Variants in TANGO6 observed in about 807,000 individuals in gnomAD.
TANGO6 encodes transport and Golgi organization protein 6 homolog.
In TANGO6, 90 loss-of-function variants were observed where a neutral mutation model predicts 114.2. That is an observed-to-expected ratio of 0.79 (90% CI 0.66 to 0.94). The LOEUF (loss-of-function observed/expected upper bound fraction) is 0.94. Ranked by LOEUF, TANGO6 falls within the 40% of genes least tolerant of loss-of-function variation. TANGO6 has a pLI of 0.00. For synonymous variants in TANGO6, 477 were observed against 509.8 expected (o/e 0.94, Z 0.87); for missense variants, 1,274 against 1,315.3 (o/e 0.97, Z 0.49).
chr16:68,907,649 A>G (rs982326642), intron 10 of TANGO6, 74 bp downstream of exon 10: 1 of 1,461,600 alleles, frequency 6.8e-7, no homozygotes, highest in African/African-American at 1.4e-5. Flanking sequence ...TTTTCAAAGC[A>G]TTTATAATTT....
chr16:68,877,189 G>A lies in TANGO6; in HGVS notation c.1132-929G>A, dbSNP rs572067270. Among the ~76,000 whole-genome samples, 9 of 152,276 alleles carry A rather than the reference G, an allele frequency of 5.9e-5. No homozygotes were observed. In the East Asian group the frequency reaches 1.5e-3, roughly 26 times the overall value. On this transcript the variant is annotated intron_variant, in intron 5 of 17. Coordinates refer to ENST00000261778, the MANE Select transcript of TANGO6 (RefSeq NM_024562.2). ...AAATCTGATACATGAAAAATGTGGG[G>A]CTGGGCACGGTGGCTCACGCCTGTA...
intron 17 of TANGO6, among the ~76,000 whole-genome samples, chr16:69,064,081 C>T (rs943077223): frequency 1.3e-5 from 2 of 152,016 alleles, no homozygotes; most frequent in Non-Finnish European, 2.9e-5. Context: ...AAATGATCTG[C>T]CCGCCTCGGC....
At chr16:69,081,054 T>G (rs1461728054) in intron 17 of TANGO6, among the ~76,000 whole-genome samples, 2 of 152,018 alleles carry the variant, frequency 1.3e-5, no homozygotes, top group Non-Finnish European at 2.9e-5. Context: ...AGGAGAATGG[T>G]GTGAACCCAG....
intron 6 of TANGO6, 54 bp downstream of exon 6, chr16:68,878,334 T>A: frequency 1.3e-6 from 2 of 1,525,336 alleles, no homozygotes; most frequent in Non-Finnish European, 1.8e-6. Flanking sequence ...TTCTTCAGTA[T>A]TTCACGTTGA....
chr16:69,013,379 G>A (rs536472620), intron 15 of TANGO6, among the ~76,000 whole-genome samples: 40 of 152,218 alleles, frequency 2.6e-4, no homozygotes, highest in South Asian at 8.3e-4. Context: ...GGAGGCCGAA[G>A]CTGAGGTGGG....
At chr16:68,955,685 T>C (rs920409901) in intron 14 of TANGO6, among the ~76,000 whole-genome samples, 4 of 152,198 alleles carry the variant, frequency 2.6e-5, no homozygotes, top group Non-Finnish European at 4.4e-5. Flanking sequence ...TGATAGAATT[T>C]ATCAGTGGAA....
intron 12 of TANGO6, among the ~76,000 whole-genome samples, chr16:68,924,800 A>G (rs1963145311): frequency 6.6e-6 from 1 of 150,390 alleles, no homozygotes; most frequent in Non-Finnish European, 1.5e-5. Flanking sequence ...CAAAAAAAAG[A>G]AAACAGAAAC....
intron 15 of TANGO6, among the ~76,000 whole-genome samples, chr16:68,988,871 T>C (rs1355797195): frequency 6.6e-6 from 1 of 151,810 alleles, no homozygotes; most frequent in Non-Finnish European, 1.5e-5. Context: ...GCTAATTTGT[T>C]TTTTGGTTGT....
At chr16:68,846,502 CT>C (rs111404781) in intron 1 of TANGO6, 61,568 of 294,060 alleles carry the variant, frequency 0.21, 1,315 homozygotes, top group South Asian at 0.24. Context: ...ACGATTCTTT[CT>C]TTTTTTTTTT....
intron 4 of TANGO6, among the ~76,000 whole-genome samples, chr16:68,868,655 G>A (rs1048103452): frequency 4.6e-5 from 7 of 151,748 alleles, no homozygotes; most frequent in Admixed American, 2.0e-4. Flanking sequence ...CTGCCACCAC[G>A]CCCAGCTAAT....
chr16:69,022,703 C>CAA (rs113972965), intron 15 of TANGO6, 125 bp from the exon 16 acceptor site: 6,681 of 951,314 alleles, frequency 7.0e-3, no homozygotes, highest in East Asian at 9.9e-3. Flanking sequence ...GACCCTGTCT[C>CAA]AAAAAAAAAA....
chr16:69,066,745 G>C (rs372903066), intron 17 of TANGO6, among the ~76,000 whole-genome samples: 1 of 152,016 alleles, frequency 6.6e-6, no homozygotes, highest in Non-Finnish European at 1.5e-5. Flanking sequence ...CAATATACTC[G>C]TAAGGTAGGT....
intron 17 of TANGO6, among the ~76,000 whole-genome samples, chr16:69,041,201 C>T (rs1959767904): frequency 6.6e-6 from 1 of 152,008 alleles, no homozygotes; most frequent in Non-Finnish European, 1.5e-5. Flanking sequence ...AATCCCAGCA[C>T]TTTAGGAGGC....
At chr16:69,061,413 A>G (rs1055991994) in intron 17 of TANGO6, among the ~76,000 whole-genome samples, 1 of 151,958 alleles carries the variant, frequency 6.6e-6, no homozygotes, top group Non-Finnish European at 1.5e-5. Context: ...AAAATACAAA[A>G]ATTAGCGGGG....
intron 15 of TANGO6, among the ~76,000 whole-genome samples, chr16:68,993,087 A>G (rs1963960104): frequency 6.6e-6 from 1 of 152,142 alleles, no homozygotes; most frequent in Non-Finnish European, 1.5e-5. Flanking sequence ...AGAAAAGAAA[A>G]AAGAAAAATC....
At chr16:68,909,451 A>T (rs779951552) in intron 11 of TANGO6, 49 bp downstream of exon 11, 2 of 1,426,848 alleles carry the variant, frequency 1.4e-6, no homozygotes, top group East Asian at 5.1e-5. Context: ...CTTTCCAAAA[A>T]ATAAAGTTTA....
intron 6 of TANGO6, 120 bp downstream of exon 6, chr16:68,878,400 A>C: frequency 1.6e-6 from 2 of 1,216,944 alleles, no homozygotes; most frequent in Non-Finnish European, 2.2e-6. Flanking sequence ...CCTCCCCCCA[A>C]CTTTTTATTT....
chr16:69,020,626 A>G (rs1959384820), intron 15 of TANGO6, among the ~76,000 whole-genome samples: 1 of 152,182 alleles, frequency 6.6e-6, no homozygotes, highest in South Asian at 2.1e-4. Context: ...GATTAAAAAT[A>G]GGTGACTTTA....
At chr16:69,077,632 C>T (rs1567571891) in intron 17 of TANGO6, among the ~76,000 whole-genome samples, 1 of 152,068 alleles carries the variant, frequency 6.6e-6, no homozygotes. Context: ...AGTTCAAGAC[C>T]AGCCTGGCCA....
Sources: gnomAD v4.1 joint callset for allele counts (sites outside exome capture counted in the v4.1 genomes callset) on GRCh38, gnomAD v4.1.1 for gene constraint, MANE v1.5 for transcripts, NCBI Gene and HGNC (gene_info 2026-07-23, HGNC 2026-07-21) for gene names.